ARHGEF4: variants seen among roughly 807,000 people sequenced by gnomAD.
The protein encoded by ARHGEF4 is Rho guanine nucleotide exchange factor 4, also known as APC-stimulated guanine nucleotide exchange factor 1.
A neutral mutation model predicts 162.0 loss-of-function variants in ARHGEF4; 119 were observed. That is an observed-to-expected ratio of 0.73 (90% CI 0.63 to 0.86). The LOEUF (loss-of-function observed/expected upper bound fraction) is 0.86. Among genes scored for constraint, ARHGEF4 ranks in the 40% least tolerant of loss-of-function variants. ARHGEF4 has a pLI of 0.00. For synonymous variants in ARHGEF4, 1,014 were observed against 979.9 expected (o/e 1.03, Z -0.65); for missense variants, 2,488 against 2,456.0 (o/e 1.01, Z -0.28).
chr2:130,952,277 TA>T (rs1684004859), intron 4 of ARHGEF4, among the ~76,000 whole-genome samples: 1 of 152,214 alleles, frequency 6.6e-6, no homozygotes, highest in Non-Finnish European at 1.5e-5. Flanking sequence ...TTTGAAAGGT[TA>T]GCTTTCTGCA....
rs1272015293 is a variant in ARHGEF4 at position 130,914,646 on chromosome 2, T to C, written c.700T>C (p.Cys234Arg). Reference sequence around the variant, plus strand: ...AGTGGTCTGGCCCTTCCTTCTCTGGTGCTGTGAACTGGGTCGGAGTTGGCC... The same window carrying C: ...AGTGGTCTGGCCCTTCCTTCTCTGGCGCTGTGAACTGGGTCGGAGTTGGCC... ...IPVVWPFLLW[C>R]CELGRSWPHI... Residue 234 changes from cysteine (C) to arginine (R), a missense_variant, in exon 2 of 14, where the codon TGC (cysteine) becomes CGC (arginine). This residue lies in a region of ARHGEF4 where 1,642 missense variants were observed against 1,481.5 expected (regional missense o/e 1.11). Transcript: ENST00000409359. 3 of 1,387,892 alleles carry C rather than the reference T, an allele frequency of 2.2e-6. No homozygotes were observed. 86.0% of individuals were successfully genotyped at this position (1,387,892 alleles called of 1,614,324 possible).
At chr2:130,940,747 G>GCATGAACC (rs1413088572) in intron 3 of ARHGEF4, among the ~76,000 whole-genome samples, 1 of 149,090 alleles carries the variant, frequency 6.7e-6, no homozygotes, top group African/African-American at 2.5e-5. Context: ...CAGGAGAATG[G>GCATGAACC]CATGAACCCG....
rs141200945 is a variant in ARHGEF4, at chr2:130,982,046, T to G, written c.3985+35411T>G. On this transcript the variant is annotated intron_variant, in intron 4 of 13. Transcript: ENST00000409359. ...TGGAGTCCTACTCTGTCACCGAGGC[T>G]GGAGTGCAGTGGCATTGTGTTGGCT... Among the ~76,000 whole-genome samples the G allele has an allele frequency of 1.8e-3, 277 of 152,290 alleles. 2 individuals carry two copies. Among genetic ancestry groups the G allele is most frequent in the African/African-American group, 6.4e-3 (267 of 41,554 alleles).
intron 1 of ARHGEF4, among the ~76,000 whole-genome samples, chr2:130,909,169 A>G (rs1430440223): frequency 1.7e-4 from 26 of 152,304 alleles, no homozygotes. Flanking sequence ...ACTCCTCGGT[A>G]TTTATCCAGG....
chr2:130,940,137 G>A (rs1178106026), intron 3 of ARHGEF4, among the ~76,000 whole-genome samples: 4 of 152,016 alleles, frequency 2.6e-5, no homozygotes. Flanking sequence ...CAAATTTGTA[G>A]GTGTTTGTTA....
chr2:130,867,230 A>T (rs1682344338), intron 1 of ARHGEF4, among the ~76,000 whole-genome samples: 1 of 149,536 alleles, frequency 6.7e-6, no homozygotes, highest in African/African-American at 2.5e-5. Flanking sequence ...CTTTTAATAT[A>T]TTATTATTAT....
At chr2:130,956,744 C>T (rs1475939829) in intron 4 of ARHGEF4, among the ~76,000 whole-genome samples, 3 of 147,696 alleles carry the variant, frequency 2.0e-5, no homozygotes, top group South Asian at 2.1e-4. Context: ...ACCACGTTCT[C>T]ACTCATAGAT....
chr2:131,005,004 G>A (rs1688028440), intron 4 of ARHGEF4, among the ~76,000 whole-genome samples: 1 of 152,198 alleles, frequency 6.6e-6, no homozygotes, highest in Non-Finnish European at 1.5e-5. Flanking sequence ...TGTGAGAGCA[G>A]GGCAGACTGC....
Position 131,002,709 on chromosome 2 carries a change from CAAAAAAAAAAAAA to C in ARHGEF4, c.3986-25216_3986-25204del, listed in dbSNP as rs66979991. On this transcript the variant is annotated intron_variant, in intron 4 of 13. Transcript: ENST00000409359. ...TGGGCGACAGAGCGAGACTCCGTCT[CAAAAAAAAAAAAA>C]AAAAAAAAAAAAAAAAAAAGGGTTG... Among the ~76,000 whole-genome samples the C allele has an allele frequency of 6.8e-4, 36 of 53,250 alleles. 1 individual carries two copies. In the Admixed American group the frequency reaches 7.1e-3, roughly 10 times the overall value. The allele number at this position is 53,250 out of a possible 152,430, so 34.9% of individuals were successfully genotyped here.
intron 4 of ARHGEF4, among the ~76,000 whole-genome samples, chr2:130,983,913 T>G (rs1686290160): frequency 6.6e-6 from 1 of 152,222 alleles, no homozygotes; most frequent in Admixed American, 6.5e-5. Context: ...CCTCCCAAAG[T>G]GCTGGGATTA....
chr2:131,038,670 C>T (rs902274654), intron 5 of ARHGEF4, among the ~76,000 whole-genome samples, 183 bp from the exon 6 acceptor site: 1 of 152,210 alleles, frequency 6.6e-6, no homozygotes, highest in African/African-American at 2.4e-5. Flanking sequence ...ATAATCTAGA[C>T]ATGCCCAGAA....
chr2:131,014,763 G>A (rs1688672344), intron 4 of ARHGEF4, among the ~76,000 whole-genome samples: 1 of 152,200 alleles, frequency 6.6e-6, no homozygotes, highest in Admixed American at 6.5e-5. Flanking sequence ...TCTTGTAGGA[G>A]TCACTGCTTT....
At chr2:130,838,268 C>T (rs1357931344) in intron 1 of ARHGEF4, among the ~76,000 whole-genome samples, 1 of 152,178 alleles carries the variant, frequency 6.6e-6, no homozygotes, top group Non-Finnish European at 1.5e-5. Context: ...GTTTCCATGC[C>T]CTCCACACCT....
intron 4 of ARHGEF4, among the ~76,000 whole-genome samples, chr2:130,995,785 T>C (rs753441286): frequency 6.6e-6 from 1 of 151,444 alleles, no homozygotes; most frequent in African/African-American, 2.4e-5. Context: ...CAGCCATGCG[T>C]AGTCCCACCA....
chr2:130,959,762 C>G (rs934455958), intron 4 of ARHGEF4, among the ~76,000 whole-genome samples: 18 of 152,168 alleles, frequency 1.2e-4, no homozygotes, highest in African/African-American at 4.3e-4. Flanking sequence ...TAGGAAGAGA[C>G]AGAACTGAAC....
chr2:131,021,746 A>C (rs1438909412), intron 4 of ARHGEF4, among the ~76,000 whole-genome samples: 3 of 152,204 alleles, frequency 2.0e-5, no homozygotes, highest in Admixed American at 2.0e-4. Flanking sequence ...CTCGTTCCTC[A>C]TCTTAGTGAT....
chr2:130,867,923 C>CT (rs1319157545), intron 1 of ARHGEF4, among the ~76,000 whole-genome samples: 123 of 137,786 alleles, frequency 8.9e-4, no homozygotes, highest in Middle Eastern at 3.8e-3. Context: ...GTGTTTTTTT[C>CT]TTTTTTTTTT....
chr2:131,023,153 G>A (rs1689252696), intron 4 of ARHGEF4, among the ~76,000 whole-genome samples: 1 of 151,582 alleles, frequency 6.6e-6, no homozygotes, highest in Non-Finnish European at 1.5e-5. Context: ...AGAGGGCAAG[G>A]CATGATGGTT....
intron 3 of ARHGEF4, among the ~76,000 whole-genome samples, chr2:130,938,825 C>G (rs1396453617): frequency 6.6e-6 from 1 of 152,146 alleles, no homozygotes. Flanking sequence ...ACCCCTAAGT[C>G]TCAAAGATTT....
Sources: gnomAD v4.1 joint callset for allele counts (sites outside exome capture counted in the v4.1 genomes callset) on GRCh38, gnomAD v4.1.1 for gene constraint, gnomAD v4.1.1 regional missense constraint, MANE v1.5 for transcripts, NCBI Gene and HGNC (gene_info 2026-07-23, HGNC 2026-07-21) for gene names.